The following WWOX variants were observed in gnomAD, a reference collection of about 807,000 sequenced individuals.
The protein encoded by WWOX is WW domain containing oxidoreductase.
WWOX carries 69 observed loss-of-function variants against 46.2 expected under a neutral mutation model. That is an observed-to-expected ratio of 1.49 (90% CI 1.23 to 1.82). The LOEUF (loss-of-function observed/expected upper bound fraction) is 1.82, where lower values mean the gene tolerates loss of function less well. Among genes scored for constraint, WWOX ranks in the 40% most tolerant of loss-of-function variants. WWOX has a pLI of 0.00. For missense variants in WWOX, 919 were observed against 542.6 expected (o/e 1.69, Z -6.89); for synonymous variants, 359 against 202.6 (o/e 1.77, Z -6.56).
At chr16:78,728,399 C>A (rs530505013) in intron 8 of WWOX, among the ~76,000 whole-genome samples, 4 of 152,012 alleles carry the variant, frequency 2.6e-5, no homozygotes, top group Admixed American at 2.6e-4. Context: ...TAAAATATAA[C>A]CATATTTTCA....
chr16:78,507,081 A>G (rs920611069), intron 8 of WWOX, among the ~76,000 whole-genome samples: 17 of 152,192 alleles, frequency 1.1e-4, no homozygotes, highest in Non-Finnish European at 2.2e-4. Context: ...TTCTAGCAGG[A>G]GCAACATCAT....
intron 8 of WWOX, among the ~76,000 whole-genome samples, chr16:79,155,991 A>T (rs1199726454): frequency 6.6e-6 from 1 of 152,088 alleles, no homozygotes; most frequent in Non-Finnish European, 1.5e-5. Flanking sequence ...CTCATAACTC[A>T]CTTAGTCATT....
At chr16:78,296,035 G>A (rs900070460) in intron 5 of WWOX, among the ~76,000 whole-genome samples, 1 of 152,198 alleles carries the variant, frequency 6.6e-6, no homozygotes, top group Admixed American at 6.5e-5. Flanking sequence ...TATTTTCTGA[G>A]TATGAAAAGC....
chr16:79,037,152 G>A (rs569942730), intron 8 of WWOX, among the ~76,000 whole-genome samples: 5 of 152,148 alleles, frequency 3.3e-5, no homozygotes, highest in Non-Finnish European at 4.4e-5. Context: ...GGAGCACAAA[G>A]CTGCCTTGAC....
At chr16:79,169,698 G>A (rs1158603034) in intron 8 of WWOX, among the ~76,000 whole-genome samples, 1 of 152,184 alleles carries the variant, frequency 6.6e-6, no homozygotes, top group Non-Finnish European at 1.5e-5. Flanking sequence ...GTTTAGAATG[G>A]ACCTGCCAAA....
intron 8 of WWOX, among the ~76,000 whole-genome samples, chr16:79,050,650 G>T (rs2656662): frequency 0.41 from 61,698 of 152,028 alleles, 15,531 homozygotes; most frequent in African/African-American, 0.71. Context: ...AAGCTGCTGA[G>T]GAATTTTAAG....
At chr16:78,958,404 G>C (rs2046211131) in intron 8 of WWOX, among the ~76,000 whole-genome samples, 1 of 152,152 alleles carries the variant, frequency 6.6e-6, no homozygotes, top group Non-Finnish European at 1.5e-5. Flanking sequence ...TGTAAAAATG[G>C]ATAGAGTTCA....
chr16:78,978,753 A>C (rs550515344), intron 8 of WWOX, among the ~76,000 whole-genome samples: 1 of 152,144 alleles, frequency 6.6e-6, no homozygotes, highest in South Asian at 2.1e-4. Flanking sequence ...TCGCATGAGA[A>C]CTCTCTCACT....
At chr16:79,131,720 C>T (rs951141726) in intron 8 of WWOX, among the ~76,000 whole-genome samples, 5 of 152,154 alleles carry the variant, frequency 3.3e-5, no homozygotes, top group African/African-American at 1.2e-4. Context: ...GGTGATCAAG[C>T]AGCAGTATAT....
intron 8 of WWOX, among the ~76,000 whole-genome samples, chr16:78,553,847 G>C (rs2044228949): frequency 6.6e-6 from 1 of 152,088 alleles, no homozygotes; most frequent in Non-Finnish European, 1.5e-5. Flanking sequence ...GCAAAGGGAA[G>C]TGTGGCTGCC....
intron 8 of WWOX, among the ~76,000 whole-genome samples, chr16:78,524,820 G>GTT (rs36073652): frequency 0.038 from 4,703 of 123,170 alleles, 165 homozygotes; most frequent in African/African-American, 0.085. Flanking sequence ...TTTTTTATGG[G>GTT]TTTTTTTTTT....
Position 78,107,069 on chromosome 16 carries a change from C to T in WWOX, c.108-1354C>T, listed in dbSNP as rs562377601. The stretch of plus-strand genomic sequence containing the variant: ...GAATTTTTTAGAAAATTCGTGCTCT[C>T]TGTATTTATTTTCTGTAAAATAATT... On this transcript the variant is annotated intron_variant, in intron 1 of 8. Transcript: ENST00000566780. Among the ~76,000 whole-genome samples the T allele has an allele frequency of 1.3e-4, 20 of 152,344 alleles. 1 individual carries two copies. Among genetic ancestry groups the T allele is most frequent in the African/African-American group, 4.6e-4 (19 of 41,564 alleles).
chr16:79,145,031 G>C lies in WWOX; in HGVS notation c.1057-66577G>C, dbSNP rs1003007052. Among the ~76,000 whole-genome samples, 3 of 152,162 alleles carry C rather than the reference G, an allele frequency of 2.0e-5. No individual in the cohort carries two copies. In the East Asian group the frequency reaches 5.8e-4, roughly 29 times the overall value. On this transcript the variant is annotated intron_variant, in intron 8 of 8. Coordinates refer to ENST00000566780, the MANE Select transcript of WWOX (RefSeq NM_016373.4). The stretch of plus-strand genomic sequence containing the variant: ...CCCCTGTGCAGAAGCGGAGGCTACT[G>C]TACATAAATTTGCCTGTAAGTGAGC...
At chr16:78,872,549 C>G (rs898503200) in intron 8 of WWOX, among the ~76,000 whole-genome samples, 3 of 152,084 alleles carry the variant, frequency 2.0e-5, no homozygotes, top group South Asian at 2.1e-4. Flanking sequence ...CTCTAAGCCT[C>G]AATTTCTTTG....
rs193124594 is a variant in WWOX, at chr16:78,346,539, C to G, written c.517-40321C>G. On this transcript the variant is annotated intron_variant, in intron 5 of 8. Coordinates refer to ENST00000566780, the MANE Select transcript of WWOX (RefSeq NM_016373.4). ...GCCAACAGTGTTTAAGGATCCACTT[C>G]CTCTACATCCTTAATAATACTTGAT... 7.9e-4 allele frequency among the ~76,000 whole-genome samples: 95 copies of G among 119,952 alleles called. 22 individuals carry two copies. The highest frequency in any genetic ancestry group is 2.6e-3 in the African/African-American group (93 of 35,462). 78.7% of individuals were successfully genotyped at this position (119,952 alleles called of 152,430 possible). A position where few individuals can be genotyped will look rare whatever the true frequency, so the allele number is the denominator to read the frequency against.
At chr16:78,592,632 A>G (rs769205321) in intron 8 of WWOX, among the ~76,000 whole-genome samples, 1 of 152,190 alleles carries the variant, frequency 6.6e-6, no homozygotes, top group South Asian at 2.1e-4. Context: ...AAGGCCTGGC[A>G]TATTTTGGCA....
At chr16:78,748,276 T>G (rs1390731191) in intron 8 of WWOX, among the ~76,000 whole-genome samples, 9 of 152,182 alleles carry the variant, frequency 5.9e-5, no homozygotes, top group Admixed American at 3.3e-4. Context: ...TCACCACAAA[T>G]AAACATTTTA....
chr16:78,315,730 G>T (rs1040327349), intron 5 of WWOX, among the ~76,000 whole-genome samples: 3 of 152,088 alleles, frequency 2.0e-5, no homozygotes, highest in Admixed American at 6.5e-5. Context: ...CACTCAGCAG[G>T]TGCTTACACT....
chr16:78,875,393 C>G (rs1001252725), intron 8 of WWOX, among the ~76,000 whole-genome samples: 1 of 152,122 alleles, frequency 6.6e-6, no homozygotes, highest in African/African-American at 2.4e-5. Context: ...GTGTCTAGTC[C>G]AAATTAGTAT....
Sources: gnomAD v4.1 joint callset for allele counts (sites outside exome capture counted in the v4.1 genomes callset) on GRCh38, gnomAD v4.1.1 for gene constraint, MANE v1.5 for transcripts, NCBI Gene and HGNC (gene_info 2026-07-23, HGNC 2026-07-21) for gene names.